Variants in EFCAB6 observed in about 807,000 individuals in gnomAD.
EFCAB6 encodes EF-hand calcium binding domain 6.
A neutral mutation model predicts 169.8 loss-of-function variants in EFCAB6; 156 were observed. The observed-to-expected ratio is 0.92, with a 90% CI of 0.81 to 1.05. The LOEUF (loss-of-function observed/expected upper bound fraction) is 1.05, where lower values mean the gene tolerates loss of function less well. EFCAB6 is among the 50% of genes least tolerant of loss of function. The pLI, the probability that EFCAB6 is intolerant of heterozygous loss-of-function variation, is 0.00. For missense variants in EFCAB6, 1,800 were observed against 1,829.1 expected (o/e 0.98, Z 0.29); for synonymous variants, 698 against 676.4 (o/e 1.03, Z -0.50).
At chr22:43,720,251 C>G (rs1160278717) in intron 8 of EFCAB6, among the ~76,000 whole-genome samples, 2 of 151,912 alleles carry the variant, frequency 1.3e-5, no homozygotes, top group South Asian at 2.1e-4. Flanking sequence ...GGCACAGTGG[C>G]TTACACATGT....
chr22:43,542,092 C>T (rs2047767372), intron 27 of EFCAB6, among the ~76,000 whole-genome samples: 1 of 152,250 alleles, frequency 6.6e-6, no homozygotes, highest in African/African-American at 2.4e-5. Context: ...TAGGCTTGCA[C>T]CCTCCTGTTT....
intron 22 of EFCAB6, among the ~76,000 whole-genome samples, chr22:43,607,295 G>C (rs1166389839): frequency 6.6e-6 from 1 of 152,090 alleles, no homozygotes; most frequent in Non-Finnish European, 1.5e-5. Flanking sequence ...CCATGCTCCT[G>C]CCTCACTGCC....
At chr22:43,664,234 G>A (rs750177348) in intron 17 of EFCAB6, among the ~76,000 whole-genome samples, 8 of 152,172 alleles carry the variant, frequency 5.3e-5, no homozygotes, top group African/African-American at 1.2e-4. Flanking sequence ...TCAAATGTGC[G>A]AATGCCCATG....
At chr22:43,682,383 A>C (rs556002656) in intron 12 of EFCAB6, among the ~76,000 whole-genome samples, 1 of 152,186 alleles carries the variant, frequency 6.6e-6, no homozygotes, top group Non-Finnish European at 1.5e-5. Flanking sequence ...ATAGCACAAC[A>C]ATGACTTTTA....
intron 13 of EFCAB6, among the ~76,000 whole-genome samples, chr22:43,677,248 T>C (rs1298995052): frequency 6.6e-6 from 1 of 152,192 alleles, no homozygotes; most frequent in Non-Finnish European, 1.5e-5. Context: ...TGCTAGTCAC[T>C]AGAGGCAATA....
At chr22:43,631,803 C>T (rs887476810) in intron 19 of EFCAB6, among the ~76,000 whole-genome samples, 6 of 152,012 alleles carry the variant, frequency 3.9e-5, no homozygotes, top group African/African-American at 1.2e-4. Context: ...TGGATGAACG[C>T]GTTTCAAAGT....
intron 8 of EFCAB6, among the ~76,000 whole-genome samples, chr22:43,730,062 G>A (rs1434035071): frequency 6.7e-6 from 1 of 150,208 alleles, no homozygotes; most frequent in East Asian, 2.0e-4. Context: ...TACTTGGGAG[G>A]CTGAGGTTGG....
At chr22:43,737,786 TACAC>T (rs995585767) in intron 6 of EFCAB6, among the ~76,000 whole-genome samples, 14 of 144,324 alleles carry the variant, frequency 9.7e-5, no homozygotes, top group Non-Finnish European at 2.0e-4. Context: ...CACATATTCA[TACAC>T]ACACACACCT....
At chr22:43,780,157 T>C (rs2061768880) in intron 3 of EFCAB6, among the ~76,000 whole-genome samples, 1 of 152,140 alleles carries the variant, frequency 6.6e-6, no homozygotes, top group Non-Finnish European at 1.5e-5. Context: ...GTGAGCTTCC[T>C]GAAGGGTAAT....
At chr22:43,774,448 G>C (rs779241632) in intron 3 of EFCAB6, among the ~76,000 whole-genome samples, 1 of 151,532 alleles carries the variant, frequency 6.6e-6, no homozygotes, top group Non-Finnish European at 1.5e-5. Context: ...GCACTTCCAC[G>C]CCACACAGGG....
At chr22:43,768,882 T>A (rs928932858) in intron 4 of EFCAB6, among the ~76,000 whole-genome samples, 4 of 152,256 alleles carry the variant, frequency 2.6e-5, no homozygotes, top group Non-Finnish European at 5.9e-5. Context: ...CCATTTGGCA[T>A]AAAGTATCAC....
chr22:43,633,103 T>C (rs1022622977), intron 18 of EFCAB6, among the ~76,000 whole-genome samples: 4 of 152,126 alleles, frequency 2.6e-5, no homozygotes, highest in African/African-American at 9.7e-5. Context: ...TAGGGGGTGG[T>C]GAGGCTCAGG....
intron 19 of EFCAB6, among the ~76,000 whole-genome samples, chr22:43,627,396 G>A (rs999008017): frequency 2.6e-5 from 4 of 152,240 alleles, no homozygotes; most frequent in African/African-American, 9.6e-5. Context: ...CCATGGGTGA[G>A]ATAACCTTGT....
chr22:43,671,866 T>C, intron 15 of EFCAB6, 107 bp downstream of exon 15: 1 of 1,328,550 alleles, frequency 7.5e-7, no homozygotes. Flanking sequence ...GCAGTTATTA[T>C]CAATACTACC....
intron 24 of EFCAB6, among the ~76,000 whole-genome samples, chr22:43,586,545 A>G (rs2051088131): frequency 6.6e-6 from 1 of 151,972 alleles, no homozygotes; most frequent in African/African-American, 2.4e-5. Flanking sequence ...GCATGGCTCA[A>G]TTATACAGAC....
At chr22:43,751,503 C>T (rs537918750) in intron 6 of EFCAB6, among the ~76,000 whole-genome samples, 1 of 152,340 alleles carries the variant, frequency 6.6e-6, no homozygotes, top group African/African-American at 2.4e-5. Flanking sequence ...AGGAAGCTGT[C>T]TGAGGTCTCG....
intron 17 of EFCAB6, among the ~76,000 whole-genome samples, chr22:43,661,939 A>C (rs775028171): frequency 2.0e-5 from 3 of 152,178 alleles, no homozygotes; most frequent in Non-Finnish European, 1.5e-5. Flanking sequence ...CAATATGGTG[A>C]AAACCAGTCT....
chr22:43,779,103 T>C (rs1227951337), intron 3 of EFCAB6, among the ~76,000 whole-genome samples: 1 of 152,194 alleles, frequency 6.6e-6, no homozygotes, highest in Non-Finnish European at 1.5e-5. Context: ...ATGGAAAGTA[T>C]TTTTAAAGAG....
intron 2 of EFCAB6, among the ~76,000 whole-genome samples, chr22:43,797,602 TAC>T (rs954347269): frequency 1.3e-5 from 2 of 151,654 alleles, no homozygotes; most frequent in African/African-American, 4.8e-5. Context: ...CTCAATCCAA[TAC>T]ACACACACAC....
Sources: allele counts gnomAD v4.1 joint callset (sites outside exome capture counted in the v4.1 genomes callset), GRCh38; gene constraint gnomAD v4.1.1; transcripts MANE v1.5; gene names NCBI Gene and HGNC (gene_info 2026-07-23, HGNC 2026-07-21).